GOLT1B: variants seen among roughly 807,000 people sequenced by gnomAD.
GOLT1B encodes golgi transport 1B.
GOLT1B carries 3 observed loss-of-function variants against 15.4 expected under a neutral mutation model. The ratio of observed to expected loss-of-function variants is 0.19; its 90% confidence interval spans 0.09 to 0.50. The LOEUF (loss-of-function observed/expected upper bound fraction) is 0.50. Ranked by LOEUF, GOLT1B falls within the 20% of genes least tolerant of loss-of-function variation. The probability of loss-of-function intolerance (pLI) is 0.97; values close to 1 mark genes in which losing one functional copy is unlikely to be tolerated. For missense variants in GOLT1B, 145 were observed against 160.4 expected, an observed-to-expected ratio of 0.90 and a Z score of 0.52; for synonymous variants, 65 against 56.2, an observed-to-expected ratio of 1.16 and a Z score of -0.70.
At chr12:21,515,391 T>A (rs943164357) in intron 4 of GOLT1B, 1 of 593,502 alleles carries the variant, frequency 1.7e-6, no homozygotes, top group Middle Eastern at 4.1e-4. Context: ...TTATACAATT[T>A]CTTTATTCAT....
intron 4 of GOLT1B, chr12:21,515,281 A>G: frequency 7.3e-7 from 1 of 1,376,968 alleles, no homozygotes. Flanking sequence ...GTCAGTTGAA[A>G]TATCTTATTG....
At chr12:21,506,754 G>A in intron 1 of GOLT1B, 131 bp from the exon 2 acceptor site, 1 of 480,372 alleles carries the variant, frequency 2.1e-6, no homozygotes, top group Non-Finnish European at 3.7e-6. Context: ...TCATTATGAA[G>A]TTAACCTGCA....
At chr12:21,513,799 CA>C (rs1565583120) in intron 4 of GOLT1B, among the ~76,000 whole-genome samples, 1 of 151,478 alleles carries the variant, frequency 6.6e-6, no homozygotes, top group Non-Finnish European at 1.5e-5. Flanking sequence ...TTGTCTCAAA[CA>C]AAAAAGAAAA....
In GOLT1B at chr12:21,512,043, A is replaced by G. The variant is rs956111388; in HGVS notation, c.297-252A>G. On this transcript the variant is annotated intron_variant, in intron 3 of 4. Transcript: ENST00000229314. Reference sequence around the variant, plus strand: ...TCTTTTTATCAGTTTCACCCCACACAACTCATAGTTGGAGAAATCTTCAGC... The same window carrying G: ...TCTTTTTATCAGTTTCACCCCACACGACTCATAGTTGGAGAAATCTTCAGC... Among the ~76,000 whole-genome samples the G allele has an allele frequency of 2.6e-5, 4 of 151,920 alleles. No individual in the cohort carries two copies. In the South Asian group the frequency reaches 8.3e-4, roughly 31 times the overall value.
chr12:21,504,800 C>T (rs1027435850), intron 1 of GOLT1B, among the ~76,000 whole-genome samples: 2 of 152,028 alleles, frequency 1.3e-5, no homozygotes, highest in African/African-American at 2.4e-5. Context: ...CCTTTTTGAC[C>T]GCAGTTAATT....
intron 3 of GOLT1B, among the ~76,000 whole-genome samples, chr12:21,512,059 A>T (rs1473168190): frequency 2.6e-5 from 4 of 152,196 alleles, no homozygotes. Flanking sequence ...TAGTTGGAGA[A>T]ATCTTCAGCA....
intron 3 of GOLT1B, among the ~76,000 whole-genome samples, chr12:21,510,150 T>C (rs2136807406): frequency 1.3e-5 from 2 of 152,248 alleles, no homozygotes; most frequent in Middle Eastern, 6.8e-3. Flanking sequence ...GTACAGAATA[T>C]ACAGTGATAA....
Position 21,517,862 on chromosome 12 carries a change from C to T in GOLT1B, c.*2155C>T, listed in dbSNP as rs974283587. On this transcript the variant is annotated 3_prime_UTR_variant, in exon 5 of 5. Transcript: ENST00000229314. Reference sequence around the variant, plus strand: ...CATACTAGTCTGCTGATAGAAAGCACTATACATCCTATTGTTTCTTTCTTT... The same window carrying T: ...CATACTAGTCTGCTGATAGAAAGCATTATACATCCTATTGTTTCTTTCTTT... The T allele has an allele frequency of 1.3e-5, 2 of 152,528 alleles. No individual in the cohort carries two copies. Among genetic ancestry groups the T allele is most frequent in the African/African-American group, 4.8e-5 (2 of 41,432 alleles). The allele number at this position is 152,528 out of a possible 1,614,324, so 9.4% of individuals were successfully genotyped here. A position where few individuals can be genotyped will look rare whatever the true frequency, so the allele number is the denominator to read the frequency against.
chr12:21,515,569 T>C, intron 4 of GOLT1B, 100 bp from the exon 5 acceptor site: 4 of 709,148 alleles, frequency 5.6e-6, no homozygotes, highest in Non-Finnish European at 9.9e-6. Flanking sequence ...ACAACTCTTC[T>C]TGTAAGGCTG....
At chr12:21,514,890 A>G (rs74828297) in intron 4 of GOLT1B, among the ~76,000 whole-genome samples, 2,513 of 152,144 alleles carry the variant, frequency 0.017, 83 homozygotes, top group African/African-American at 0.057. Flanking sequence ...AAATGATCAG[A>G]TGATTACTAG....
rs1402484281 is a variant in GOLT1B, at chr12:21,509,434, A to T, written c.296+873A>T. On this transcript the variant is annotated intron_variant, in intron 3 of 4. Coordinates refer to ENST00000229314, the MANE Select transcript of GOLT1B (RefSeq NM_016072.5). The stretch of plus-strand genomic sequence containing the variant: ...AAAAAAAAAAAAAAAACAGAAAAGA[A>T]AATAACTTTAAGTAGGGTTGAGCTT... 7.9e-5 allele frequency among the ~76,000 whole-genome samples: 12 copies of T among 151,510 alleles called. 1 individual carries two copies. Among genetic ancestry groups the T allele is most frequent in the Admixed American group, 6.6e-4 (10 of 15,200 alleles).
At chr12:21,515,181 A>G (rs1943747199) in intron 4 of GOLT1B, 1 of 845,116 alleles carries the variant, frequency 1.2e-6, no homozygotes, top group African/African-American at 1.7e-5. Flanking sequence ...AAGTATTTTT[A>G]GTCAATAACT....
chr12:21,508,709 C>T (rs1943696956), intron 3 of GOLT1B, 148 bp downstream of exon 3: 1 of 572,710 alleles, frequency 1.7e-6, no homozygotes, highest in South Asian at 2.3e-5. Context: ...TTAGATGAAG[C>T]AACTATAAAA....
chr12:21,515,373 T>C, intron 4 of GOLT1B: 1 of 619,120 alleles, frequency 1.6e-6, no homozygotes, highest in Non-Finnish European at 2.8e-6. Flanking sequence ...AGCAGTGTTA[T>C]CTTCATCTTA....
At chr12:21,502,096 G>C in intron 1 of GOLT1B, 148 bp downstream of exon 1, 1 of 680,270 alleles carries the variant, frequency 1.5e-6, no homozygotes. Context: ...GACCCTAAGG[G>C]GCTGCCTTCG....
In GOLT1B at chr12:21,515,759, AT is replaced by A. The variant is rs768694697; in HGVS notation, c.*55del. ...AAAATATTGTGTTATTTATAAAGTC[AT>A]TTGAAGAATATTCAGCACAAAATTA... On this transcript the variant is annotated 3_prime_UTR_variant, in exon 5 of 5. Coordinates refer to ENST00000229314, the MANE Select transcript of GOLT1B (RefSeq NM_016072.5). The A allele has an allele frequency of 2.4e-6, 2 of 820,350 alleles. No homozygotes were observed. Among genetic ancestry groups the A allele is most frequent in the Non-Finnish European group, 2.1e-6 (1 of 487,286 alleles). 50.8% of individuals were successfully genotyped at this position (820,350 alleles called of 1,614,324 possible).
At chr12:21,504,473 G>A (rs544989551) in intron 1 of GOLT1B, 66 of 454,214 alleles carry the variant, frequency 1.5e-4, no homozygotes, top group African/African-American at 1.1e-3. Flanking sequence ...AATGTCTCCC[G>A]CTGGACTGTA....
intron 1 of GOLT1B, among the ~76,000 whole-genome samples, chr12:21,505,390 A>G (rs936900119): frequency 7.2e-5 from 11 of 152,290 alleles, no homozygotes; most frequent in Non-Finnish European, 1.3e-4. Context: ...TTCCTCTATG[A>G]AATTATGTCC....
intron 1 of GOLT1B, among the ~76,000 whole-genome samples, chr12:21,505,184 G>A (rs1023535922): frequency 1.3e-5 from 2 of 152,086 alleles, no homozygotes; most frequent in African/African-American, 4.8e-5. Context: ...CTAATTCGTG[G>A]TAAATTCTCA....
Sources: gnomAD v4.1 joint callset for allele counts (sites outside exome capture counted in the v4.1 genomes callset) on GRCh38, gnomAD v4.1.1 for gene constraint, MANE v1.5 for transcripts, NCBI Gene and HGNC (gene_info 2026-07-23, HGNC 2026-07-21) for gene names.